The following LGR6 variants were observed in gnomAD, a reference collection of about 807,000 sequenced individuals.
LGR6 encodes the protein leucine rich repeat containing G protein-coupled receptor 6.
LGR6 carries 45 observed loss-of-function variants against 69.4 expected under a neutral mutation model. The observed-to-expected ratio is 0.65, with a 90% CI of 0.51 to 0.83. LGR6 has a LOEUF of 0.83. Ranked by LOEUF, LGR6 falls within the 40% of genes least tolerant of loss-of-function variation. LGR6 has a pLI of 0.00. For synonymous variants in LGR6, 538 were observed against 555.0 expected, an observed-to-expected ratio of 0.97 and a Z score of 0.43; for missense variants, 1,108 against 1,246.7, an observed-to-expected ratio of 0.89 and a Z score of 1.68.
At chr1:202,308,951 C>T in intron 14 of LGR6, 100 bp from the exon 15 acceptor site, 2 of 1,440,702 alleles carry the variant, frequency 1.4e-6, no homozygotes, top group Non-Finnish European at 1.9e-6. Flanking sequence ...CTCCTCTCCT[C>T]TTGCTTCCAT....
chr1:202,202,953 G>A (rs1305851795), intron 1 of LGR6, among the ~76,000 whole-genome samples: 1 of 152,134 alleles, frequency 6.6e-6, no homozygotes, highest in Non-Finnish European at 1.5e-5. Context: ...CCAGTGTCAG[G>A]GACTTGGATG....
chr1:202,303,763 A>G (rs60275611), intron 10 of LGR6, among the ~76,000 whole-genome samples: 2,207 of 152,270 alleles, frequency 0.014, 65 homozygotes, highest in African/African-American at 0.05. Context: ...GTGCCGACGC[A>G]TAGTAGGCCC....
At position 202,205,710 on chromosome 1, in the gene LGR6, CTAA is replaced by C. The variant is rs1659186509; in HGVS notation, c.212+11510_212+11512del. 9.6e-5 allele frequency among the ~76,000 whole-genome samples: 12 copies of C among 125,526 alleles called. No individual in the cohort carries two copies. In the Admixed American group the frequency reaches 9.6e-4, roughly 10 times the overall value. The allele number at this position is 125,526 out of a possible 152,430, so 82.3% of individuals were successfully genotyped here. A position where few individuals can be genotyped will look rare whatever the true frequency, so the allele number is the denominator to read the frequency against. ...CTCCTTCAAACATACACACACACCCCTAACACACACACCTTCTTCAAACACACA... is the reference window on the plus strand; with the variant it reads ...CTCCTTCAAACATACACACACACCCCCACACACACCTTCTTCAAACACACA... On this transcript the variant is annotated intron_variant, in intron 1 of 17. Transcript: ENST00000367278.
chr1:202,200,286 C>T (rs1262965579), intron 1 of LGR6, among the ~76,000 whole-genome samples: 1 of 152,240 alleles, frequency 6.6e-6, no homozygotes, highest in African/African-American at 2.4e-5. Context: ...GAGAGTACAG[C>T]TTCTCCCCAG....
intron 1 of LGR6, among the ~76,000 whole-genome samples, chr1:202,215,730 G>A (rs1659731915): frequency 6.6e-6 from 1 of 152,206 alleles, no homozygotes; most frequent in Non-Finnish European, 1.5e-5. Context: ...CTCGGAAGCT[G>A]TAGAAAATGA....
intron 1 of LGR6, among the ~76,000 whole-genome samples, chr1:202,219,174 G>A (rs544513431): frequency 7.9e-5 from 12 of 152,330 alleles, no homozygotes; most frequent in Non-Finnish European, 1.3e-4. Context: ...AATGGTCTCC[G>A]TGGCGGCCAG....
At chr1:202,244,891 C>T (rs1304896241) in intron 4 of LGR6, among the ~76,000 whole-genome samples, 6 of 152,208 alleles carry the variant, frequency 3.9e-5, no homozygotes, top group Non-Finnish European at 7.4e-5. Context: ...AGTCACGAGC[C>T]GGCTGTGCCC....
Position 202,318,492 on chromosome 1 carries a change from T to C in LGR6, c.2189T>C (p.Leu730Pro). ...YAPPEGQPAA[L>P]GFTVALVMMN... Reference sequence around the variant, plus strand: ...CCACCTGAGGGTCAGCCAGCAGCCCTGGGCTTCACCGTGGCCCTGGTGATG... The same window carrying C: ...CCACCTGAGGGTCAGCCAGCAGCCCCGGGCTTCACCGTGGCCCTGGTGATG... Residue 730 changes from leucine (L) to proline (P), a missense_variant, in exon 18 of 18, where the codon CTG (leucine) becomes CCG (proline). Physicochemically the swap from Leu to Pro is moderately conservative, Grantham distance 98. Coordinates refer to ENST00000367278, the MANE Select transcript of LGR6 (RefSeq NM_001017403.2). 1 of 1,613,954 alleles carries C rather than the reference T, an allele frequency of 6.2e-7. No individual in the cohort carries two copies.
At chr1:202,216,224 T>C (rs532739907) in intron 1 of LGR6, among the ~76,000 whole-genome samples, 1 of 152,356 alleles carries the variant, frequency 6.6e-6, no homozygotes, top group African/African-American at 2.4e-5. Context: ...ATGGTTGAGT[T>C]GGGTGGTGAT....
At chr1:202,259,219 A>T (rs978851747) in intron 4 of LGR6, among the ~76,000 whole-genome samples, 2 of 152,102 alleles carry the variant, frequency 1.3e-5, no homozygotes, top group Non-Finnish European at 2.9e-5. Context: ...AATGGGCTAT[A>T]GCTTGTTTTC....
intron 4 of LGR6, among the ~76,000 whole-genome samples, chr1:202,273,208 C>T (rs1665252258): frequency 6.6e-6 from 1 of 152,156 alleles, no homozygotes; most frequent in Admixed American, 6.5e-5. Context: ...TGGCATATGA[C>T]AAGGACTCAA....
chr1:202,285,772 C>T (rs1217014390), intron 6 of LGR6, among the ~76,000 whole-genome samples: 1 of 152,142 alleles, frequency 6.6e-6, no homozygotes, highest in African/African-American at 2.4e-5. Context: ...GTGTTAATTT[C>T]CTGTGGCTGC....
At chr1:202,204,517 A>G (rs1571806064) in intron 1 of LGR6, among the ~76,000 whole-genome samples, 2 of 18,416 alleles carry the variant, frequency 1.1e-4, no homozygotes, top group Non-Finnish European at 1.2e-4. Context: ...ACACACACAC[A>G]CCTCCAAACA....
chr1:202,317,926 G>A (rs752266665), intron 17 of LGR6, 26 bp from the exon 18 acceptor site: 2 of 1,568,742 alleles, frequency 1.3e-6, no homozygotes, highest in Middle Eastern at 1.7e-4. Flanking sequence ...CTCTGGCCCA[G>A]GGTTAATGTC....
chr1:202,308,675 G>A (rs1430755082), intron 14 of LGR6, among the ~76,000 whole-genome samples: 2 of 152,304 alleles, frequency 1.3e-5, no homozygotes, highest in Middle Eastern at 3.4e-3. Context: ...CAACAGGAAG[G>A]TTCCCCAAGC....
At chr1:202,220,722 T>G (rs1168671130) in intron 1 of LGR6, among the ~76,000 whole-genome samples, 1 of 58,752 alleles carries the variant, frequency 1.7e-5, no homozygotes, top group Non-Finnish European at 5.5e-5. Flanking sequence ...CAAAATACTG[T>G]GGGGACGGGG....
chr1:202,267,466 T>C (rs896279843), intron 4 of LGR6, among the ~76,000 whole-genome samples: 18 of 152,136 alleles, frequency 1.2e-4, no homozygotes, highest in African/African-American at 3.9e-4. Flanking sequence ...TTCTTTTCAT[T>C]AAATGGGACA....
chr1:202,207,013 G>A (rs1161547285), intron 1 of LGR6, among the ~76,000 whole-genome samples: 1 of 152,042 alleles, frequency 6.6e-6, no homozygotes, highest in African/African-American at 2.4e-5. Flanking sequence ...CGCCTCTCGG[G>A]TTCAAGCGAT....
chr1:202,235,147 A>G lies in LGR6; in HGVS notation c.357-775A>G, dbSNP rs530206753. The stretch of plus-strand genomic sequence containing the variant: ...GGGGTTGGCTAGAGTCAGCAGTGCC[A>G]CCTGGAGTGGCGCCCCAGGCCCTGT... On this transcript the variant is annotated intron_variant, in intron 3 of 17. Coordinates refer to ENST00000367278, the MANE Select transcript of LGR6 (RefSeq NM_001017403.2). Among the ~76,000 whole-genome samples the G allele has an allele frequency of 2.0e-5, 3 of 152,254 alleles. No individual in the cohort carries two copies. The South Asian group carries it at 6.2e-4, about 32-fold the overall frequency.
Sources: allele counts gnomAD v4.1 joint callset (sites outside exome capture counted in the v4.1 genomes callset), GRCh38; gene constraint gnomAD v4.1.1; transcripts MANE v1.5; gene names NCBI Gene and HGNC (gene_info 2026-07-23, HGNC 2026-07-21).